Variants in PTPRN2 observed in about 807,000 individuals in gnomAD.
PTPRN2 encodes the protein receptor-type tyrosine-protein phosphatase N2.
PTPRN2 carries 74 observed loss-of-function variants against 118.8 expected under a neutral mutation model. The observed-to-expected ratio is 0.62, with a 90% CI of 0.52 to 0.76. The LOEUF (loss-of-function observed/expected upper bound fraction) is 0.76, where lower values mean the gene tolerates loss of function less well. PTPRN2 is among the 30% of genes least tolerant of loss of function. The pLI is 0.00. For missense variants in PTPRN2, 1,481 were observed against 1,394.4 expected, an observed-to-expected ratio of 1.06 and a Z score of -0.99; for synonymous variants, 641 against 608.0, an observed-to-expected ratio of 1.05 and a Z score of -0.80.
chr7:158,486,827 G>A (rs10230881), intron 2 of PTPRN2, among the ~76,000 whole-genome samples: 2,855 of 152,168 alleles, frequency 0.019, 94 homozygotes, highest in African/African-American at 0.065. Context: ...TGTACAGTTC[G>A]GTGGTGTTAA....
chr7:158,389,522 T>C (rs1443825562), intron 2 of PTPRN2, among the ~76,000 whole-genome samples: 2 of 152,256 alleles, frequency 1.3e-5, no homozygotes, highest in African/African-American at 4.8e-5. Flanking sequence ...TGAATAATTA[T>C]GGTTTTGATT....
chr7:158,274,344 A>AG (rs11402798), intron 3 of PTPRN2, among the ~76,000 whole-genome samples: 80,359 of 112,394 alleles, frequency 0.71, 32,894 homozygotes, highest in Middle Eastern at 0.84. Flanking sequence ...CAGACGCGGG[A>AG]GAGCCACAGA....
intron 11 of PTPRN2, among the ~76,000 whole-genome samples, chr7:157,938,259 C>A (rs1417892430): frequency 6.6e-6 from 1 of 152,226 alleles, no homozygotes; most frequent in African/African-American, 2.4e-5. Context: ...TTGGAAATTA[C>A]ATCTGAACTG....
intron 2 of PTPRN2, among the ~76,000 whole-genome samples, chr7:158,359,982 C>T (rs1044628749): frequency 1.3e-5 from 2 of 152,044 alleles, no homozygotes; most frequent in Non-Finnish European, 2.9e-5. Context: ...TTAAGAGCAG[C>T]GTGTGAAGGG....
chr7:158,010,060 C>T (rs575164702), intron 11 of PTPRN2, among the ~76,000 whole-genome samples: 2 of 152,302 alleles, frequency 1.3e-5, no homozygotes, highest in Middle Eastern at 3.4e-3. Flanking sequence ...TGCAGGACCC[C>T]GTAGAGCACT....
At chr7:158,180,573 CA>C (rs1440405717) in intron 5 of PTPRN2, among the ~76,000 whole-genome samples, 3 of 152,212 alleles carry the variant, frequency 2.0e-5, no homozygotes, top group South Asian at 2.1e-4. Context: ...AATCCATAAG[CA>C]TGGGATGTGT....
intron 2 of PTPRN2, among the ~76,000 whole-genome samples, chr7:158,386,016 G>C (rs1166945716): frequency 2.7e-5 from 3 of 111,180 alleles, no homozygotes; most frequent in Admixed American, 9.4e-5. Flanking sequence ...CGTGCCCCAA[G>C]TCCCTCCTCC....
intron 6 of PTPRN2, 116 bp downstream of exon 6, chr7:158,166,815 C>CG: frequency 7.8e-7 from 1 of 1,278,256 alleles, no homozygotes; most frequent in East Asian, 2.8e-5. Context: ...CACGCGTCCT[C>CG]GGGGGAGTGC....
intron 15 of PTPRN2, among the ~76,000 whole-genome samples, chr7:157,605,880 A>C (rs976564655): frequency 6.6e-6 from 1 of 152,240 alleles, no homozygotes; most frequent in African/African-American, 2.4e-5. Context: ...TCTGATCCAC[A>C]GGACTTGCAG....
rs117187736 is a variant in PTPRN2, at chr7:157,855,834, C to T, written c.1788+42839G>A. 409 of 152,348 alleles carry T rather than the reference C, an allele frequency of 2.7e-3. 2 individuals are homozygous for T. Among genetic ancestry groups the T allele is most frequent in the Non-Finnish European group, 3.9e-3 (264 of 68,044 alleles). 9.4% of individuals were successfully genotyped at this position (152,348 alleles called of 1,614,324 possible). A position where few individuals can be genotyped will look rare whatever the true frequency, so the allele number is the denominator to read the frequency against. Reference sequence around the variant, plus strand: ...TATGATTTAATGAACTTTCCTCTCTCTAAAAGTACTCTGGTGATTATTTCA... The same window carrying T: ...TATGATTTAATGAACTTTCCTCTCTTTAAAAGTACTCTGGTGATTATTTCA... On this transcript the variant is annotated intron_variant, in intron 12 of 22. Coordinates refer to ENST00000389418, the MANE Select transcript of PTPRN2 (RefSeq NM_002847.5).
chr7:158,487,689 G>A (rs1414241201), intron 2 of PTPRN2, among the ~76,000 whole-genome samples: 1 of 152,068 alleles, frequency 6.6e-6, no homozygotes, highest in Non-Finnish European at 1.5e-5. Flanking sequence ...ACCGCACCCT[G>A]GGCTGCCGCA....
chr7:157,737,348 G>A (rs1800359280), intron 12 of PTPRN2, among the ~76,000 whole-genome samples: 1 of 152,204 alleles, frequency 6.6e-6, no homozygotes, highest in South Asian at 2.1e-4. Flanking sequence ...TCTGTTCGCT[G>A]AGCCTCAGCA....
Position 158,509,898 on chromosome 7 carries a change from A to AT in PTPRN2, c.113-20114dup, listed in dbSNP as rs1823049658. On this transcript the variant is annotated intron_variant, in intron 1 of 22. Coordinates refer to ENST00000389418, the MANE Select transcript of PTPRN2 (RefSeq NM_002847.5). This position sits in a 1 kb window ranked among gnomAD's most constrained non-coding sequence, Gnocchi z 4.4. ...CCACCCGGCAAGCACCAACTCAAGG[A>AT]TGTTCATGGCCCTCAAATGTACACT... Among the ~76,000 whole-genome samples, 1 of 152,202 alleles carries AT rather than the reference A, an allele frequency of 6.6e-6. No individual in the cohort carries two copies. The highest frequency in any genetic ancestry group is 1.5e-5 in the Non-Finnish European group (1 of 68,040).
chr7:157,765,411 A>G (rs1802396383), intron 12 of PTPRN2, among the ~76,000 whole-genome samples: 1 of 140,188 alleles, frequency 7.1e-6, no homozygotes, highest in Non-Finnish European at 1.5e-5. Context: ...CATCCGTACA[A>G]CCCATCCATC....
At chr7:158,121,244 G>C (rs545232275) in intron 9 of PTPRN2, among the ~76,000 whole-genome samples, 1 of 152,128 alleles carries the variant, frequency 6.6e-6, no homozygotes, top group African/African-American at 2.4e-5. Context: ...AAGAGGGCAG[G>C]TGCAGAAGGG....
intron 17 of PTPRN2, among the ~76,000 whole-genome samples, chr7:157,593,878 C>A (rs186862355): frequency 2.6e-5 from 4 of 152,236 alleles, no homozygotes; most frequent in African/African-American, 9.6e-5. Context: ...ACAGGTTCGC[C>A]GTGCCATGCC....
intron 1 of PTPRN2, among the ~76,000 whole-genome samples, chr7:158,504,123 A>C (rs1822574390): frequency 6.6e-6 from 1 of 152,170 alleles, no homozygotes; most frequent in South Asian, 2.1e-4. Context: ...TTCCTTGTTA[A>C]TATTTTGGTT....
At chr7:158,333,893 C>T (rs62480910) in intron 2 of PTPRN2, among the ~76,000 whole-genome samples, 2 of 100,128 alleles carry the variant, frequency 2.0e-5, no homozygotes, top group Middle Eastern at 6.1e-3. Flanking sequence ...ACCATAAGAG[C>T]TGACACCCGC....
rs151310485 is a variant in PTPRN2 at position 158,514,618 on chromosome 7, C to T, written c.113-24833G>A. On this transcript the variant is annotated intron_variant, in intron 1 of 22. Transcript: ENST00000389418. Reference sequence around the variant, plus strand: ...CAGCAACCCCACCTCTTCCTCAGTGCTCACGGGTGCGTCAAAGAGAAACAA... The same window carrying T: ...CAGCAACCCCACCTCTTCCTCAGTGTTCACGGGTGCGTCAAAGAGAAACAA... Among the ~76,000 whole-genome samples, 7 of 152,342 alleles carry T rather than the reference C, an allele frequency of 4.6e-5. No homozygotes were observed. The East Asian group carries it at 7.7e-4, about 17-fold the overall frequency.
Sources: gnomAD v4.1 joint callset for allele counts (sites outside exome capture counted in the v4.1 genomes callset) on GRCh38, gnomAD v4.1.1 for gene constraint, Gnocchi (gnomAD v3.1) non-coding constraint, MANE v1.5 for transcripts, NCBI Gene and HGNC (gene_info 2026-07-23, HGNC 2026-07-21) for gene names.